DRC8: variants seen among roughly 807,000 people sequenced by gnomAD.
DRC8 encodes dynein regulatory complex subunit 8, also known as dynein regulatory complex protein 8.
At chr1:245,075,171 A>T in the DRC8 span, among the ~76,000 whole-genome samples, 2 of 152,178 alleles carry the variant, frequency 1.3e-5, no homozygotes, top group South Asian at 4.1e-4. Flanking sequence ...TGCTTTTATG[A>T]GAAAAGAGAT....
At chr1:245,036,491 C>T in the DRC8 span, among the ~76,000 whole-genome samples, 8 of 152,100 alleles carry the variant, frequency 5.3e-5, no homozygotes, top group Middle Eastern at 3.4e-3. Context: ...CATTCCTAGG[C>T]GTATACTGAC....
At chr1:245,017,418 C>T in the DRC8 span, 4 of 1,275,314 alleles carry the variant, frequency 3.1e-6, no homozygotes, top group Non-Finnish European at 4.3e-6. Flanking sequence ...TACACTGTAC[C>T]TTGGATTTAT....
the DRC8 span, among the ~76,000 whole-genome samples, chr1:244,975,209 C>G: frequency 6.6e-6 from 1 of 152,122 alleles, no homozygotes; most frequent in African/African-American, 2.4e-5. Flanking sequence ...GGATTACAGG[C>G]GTGAGCCACC....
At chr1:245,081,084 T>C in the DRC8 span, among the ~76,000 whole-genome samples, 1 of 152,160 alleles carries the variant, frequency 6.6e-6, no homozygotes, top group East Asian at 1.9e-4. Context: ...CCTGGTCTCC[T>C]GGTCTAAGAA....
At chr1:244,985,800 G>T in the DRC8 span, among the ~76,000 whole-genome samples, 4 of 150,976 alleles carry the variant, frequency 2.6e-5, no homozygotes, top group African/African-American at 9.8e-5. Flanking sequence ...GGAGGCAGAG[G>T]TTGCAGTGAG....
At chr1:245,099,134 C>T in the DRC8 span, among the ~76,000 whole-genome samples, 2 of 152,140 alleles carry the variant, frequency 1.3e-5, no homozygotes, top group Non-Finnish European at 2.9e-5. Flanking sequence ...CCTAACAATA[C>T]GGACCAAGAA....
chr1:244,997,204 A>T, the DRC8 span, among the ~76,000 whole-genome samples: 6 of 152,092 alleles, frequency 3.9e-5, no homozygotes, highest in South Asian at 1.2e-3. Context: ...ATTTTTTTTA[A>T]CCTATCCTAT....
At chr1:244,979,926 C>T in the DRC8 span, among the ~76,000 whole-genome samples, 7 of 148,730 alleles carry the variant, frequency 4.7e-5, no homozygotes, top group African/African-American at 1.5e-4. Context: ...TTAACAAGGC[C>T]GGGTGCAGTG....
the DRC8 span, among the ~76,000 whole-genome samples, chr1:245,003,851 C>T: frequency 6.6e-6 from 1 of 152,004 alleles, no homozygotes; most frequent in Non-Finnish European, 1.5e-5. Context: ...CAATCCTCCC[C>T]CCTCAGCCTC....
At chr1:244,996,317 A>G in the DRC8 span, among the ~76,000 whole-genome samples, 2,478 of 152,018 alleles carry the variant, frequency 0.016, 34 homozygotes, top group Non-Finnish European at 0.025. Context: ...ATCTAGTATG[A>G]AAGTGATGTG....
At chr1:245,021,852 T>A in the DRC8 span, among the ~76,000 whole-genome samples, 1 of 152,216 alleles carries the variant, frequency 6.6e-6, no homozygotes, top group Admixed American at 6.5e-5. Context: ...ATACATATTT[T>A]GTTTTAGAGA....
chr1:245,042,155 C>T, the DRC8 span, among the ~76,000 whole-genome samples: 42 of 152,234 alleles, frequency 2.8e-4, no homozygotes, highest in Non-Finnish European at 5.0e-4. Context: ...TCATAGTAAT[C>T]GCAATGCTGC....
the DRC8 span, among the ~76,000 whole-genome samples, chr1:245,107,578 A>T: frequency 6.6e-6 from 1 of 152,192 alleles, no homozygotes; most frequent in Admixed American, 6.5e-5. Flanking sequence ...CTGATGGGGC[A>T]GGGACTGTGG....
the DRC8 span, chr1:245,059,501 G>T: frequency 6.6e-7 from 1 of 1,515,856 alleles, no homozygotes; most frequent in Non-Finnish European, 9.1e-7. Context: ...CTCTCTGTGT[G>T]AGAGCTACTC....
the DRC8 span, among the ~76,000 whole-genome samples, chr1:245,036,556 C>A: frequency 1.3e-5 from 2 of 152,200 alleles, no homozygotes; most frequent in Admixed American, 6.5e-5. Flanking sequence ...ATCATAGTAG[C>A]ATTATTTATA....
At chr1:245,091,323 G>T in the DRC8 span, 1 of 152,534 alleles carries the variant, frequency 6.6e-6, no homozygotes, top group Non-Finnish European at 1.5e-5. Context: ...CGGACATGCA[G>T]CACTGAGGCG....
the DRC8 span, among the ~76,000 whole-genome samples, chr1:244,980,069 A>T: frequency 7.3e-6 from 1 of 136,628 alleles, no homozygotes; most frequent in African/African-American, 2.8e-5. Flanking sequence ...AAAAAAAAAA[A>T]TTAGCTGGGC....
At chr1:245,118,053 T>C in the DRC8 span, among the ~76,000 whole-genome samples, 1 of 152,190 alleles carries the variant, frequency 6.6e-6, no homozygotes, top group East Asian at 1.9e-4. Context: ...TCTATTACGC[T>C]ACCTGAGAAT....
At chr1:245,052,645 C>A in the DRC8 span, among the ~76,000 whole-genome samples, 3 of 152,188 alleles carry the variant, frequency 2.0e-5, no homozygotes, top group Non-Finnish European at 4.4e-5. Context: ...AGAGGTCAGT[C>A]GGCTGGAGAA....
Sources: allele counts gnomAD v4.1 joint callset (sites outside exome capture counted in the v4.1 genomes callset), GRCh38; gene constraint gnomAD v4.1.1; transcripts MANE v1.5; gene names NCBI Gene and HGNC (gene_info 2026-07-23, HGNC 2026-07-21).